Variants in CD300A observed in about 807,000 individuals in gnomAD.
The protein encoded by CD300A is CMRF35-like molecule 8.
In CD300A, 22 loss-of-function variants were observed where a neutral mutation model predicts 33.6. The ratio of observed to expected loss-of-function variants is 0.66; its 90% CI spans 0.47 to 0.94. CD300A has a LOEUF of 0.94. Among genes scored for constraint, CD300A ranks in the 40% least tolerant of loss-of-function variants. The pLI is 0.00. For missense variants in CD300A, 326 were observed against 360.5 expected (o/e 0.90, Z 0.77); for synonymous variants, 136 against 148.1 (o/e 0.92, Z 0.59).
At chr17:74,473,091 G>A (rs930857829) in intron 1 of CD300A, among the ~76,000 whole-genome samples, 4 of 152,090 alleles carry the variant, frequency 2.6e-5, no homozygotes, top group Non-Finnish European at 4.4e-5. Flanking sequence ...GGAAGCAGGA[G>A]GCCCCTGGTG....
At chr17:74,473,374 G>A (rs1048736954) in intron 1 of CD300A, among the ~76,000 whole-genome samples, 162 bp from the exon 2 acceptor site, 3 of 152,000 alleles carry the variant, frequency 2.0e-5, no homozygotes, top group Admixed American at 6.5e-5. Flanking sequence ...ACCTGTGTGC[G>A]GAGGTAGCCT....
chr17:74,481,237 A>G (rs1384689075), intron 4 of CD300A, 52 bp from the exon 5 acceptor site: 27 of 1,584,470 alleles, frequency 1.7e-5, no homozygotes, highest in Middle Eastern at 1.7e-4. Flanking sequence ...AAGGTCCTCC[A>G]TCCTGGCCAT....
chr17:74,480,851 G>T lies in CD300A; in HGVS notation c.629-438G>T, dbSNP rs1375501256. ...CAACCTCCGTCTCCCAGGTTCAAGC[G>T]ATTCTCCTGTCTCAGCCTCCCAAGT... On this transcript the variant is annotated intron_variant, in intron 4 of 6. Transcript: ENST00000360141. The surrounding 1 kb of genome is among the most constrained non-coding windows in gnomAD (Gnocchi z 4.2). Among the ~76,000 whole-genome samples the T allele has an allele frequency of 6.6e-6, 1 of 152,094 alleles. No individual in the cohort carries two copies.
intron 6 of CD300A, among the ~76,000 whole-genome samples, chr17:74,482,586 G>A (rs1906936523): frequency 6.6e-6 from 1 of 151,338 alleles, no homozygotes; most frequent in Non-Finnish European, 1.5e-5. Flanking sequence ...CGGGTCCCCT[G>A]ATAGCCGCAC....
At chr17:74,472,873 G>T (rs575456946) in intron 1 of CD300A, among the ~76,000 whole-genome samples, 1 of 152,282 alleles carries the variant, frequency 6.6e-6, no homozygotes, top group South Asian at 2.1e-4. Context: ...GCCTCCCAAA[G>T]TGCTGGGATT....
chr17:74,480,388 G>A lies in CD300A; in HGVS notation c.629-901G>A, dbSNP rs1906757489. Among the ~76,000 whole-genome samples the A allele has an allele frequency of 6.6e-6, 1 of 152,220 alleles. No homozygotes were observed. Among genetic ancestry groups the A allele is most frequent in the African/African-American group, 2.4e-5 (1 of 41,450 alleles). On this transcript the variant is annotated intron_variant, in intron 4 of 6. Coordinates refer to ENST00000360141, the MANE Select transcript of CD300A (RefSeq NM_007261.4). The surrounding 1 kb of genome is among the most constrained non-coding windows in gnomAD (Gnocchi z 4.2). ...GTCACCCGCTGCCCACGTGGTCCGG[G>A]CTCCTGGGGTGAAAGGGTTAGGGTG... is the stretch of plus-strand genomic sequence containing the variant.
intron 1 of CD300A, chr17:74,467,136 C>T: frequency 4.2e-6 from 1 of 240,492 alleles, no homozygotes; most frequent in Non-Finnish European, 6.6e-6. Flanking sequence ...AGATGCCGGG[C>T]TCACTGGGTG....
intron 2 of CD300A, 58 bp downstream of exon 2, chr17:74,473,932 G>C: frequency 6.4e-7 from 1 of 1,562,732 alleles, no homozygotes; most frequent in Non-Finnish European, 8.7e-7. Flanking sequence ...GTTGGGGCAG[G>C]AATCAGATCA....
intron 1 of CD300A, among the ~76,000 whole-genome samples, chr17:74,467,988 C>G (rs1424640188): frequency 2.6e-5 from 4 of 151,572 alleles, no homozygotes; most frequent in African/African-American, 9.7e-5. Context: ...CCACCAATGA[C>G]TATTCACAAA....
chr17:74,474,763 T>C, intron 3 of CD300A, 78 bp downstream of exon 3: 1 of 1,469,190 alleles, frequency 6.8e-7, no homozygotes, highest in Middle Eastern at 2.1e-4. Flanking sequence ...CTTGGCCATG[T>C]GGGCCAGCTG....
intron 4 of CD300A, 84 bp downstream of exon 4, chr17:74,477,614 C>T (rs182349251): frequency 1.5e-4 from 127 of 845,820 alleles, no homozygotes; most frequent in Middle Eastern, 1.0e-3. Context: ...GCTATGTCCA[C>T]GTCCCACAGT....
At chr17:74,481,953 C>G (rs1015261674) in intron 6 of CD300A, 120 bp downstream of exon 6, 14 of 694,414 alleles carry the variant, frequency 2.0e-5, no homozygotes, top group Admixed American at 1.9e-4. Context: ...CTGTCAGGGA[C>G]AGGGCCACAT....
intron 2 of CD300A, 55 bp downstream of exon 2, chr17:74,473,929 C>T: frequency 1.3e-6 from 2 of 1,565,420 alleles, no homozygotes; most frequent in African/African-American, 1.4e-5. Context: ...ATTGTTGGGG[C>T]AGGAATCAGA....
chr17:74,468,766 C>T (rs1194376819), intron 1 of CD300A, among the ~76,000 whole-genome samples: 1 of 152,192 alleles, frequency 6.6e-6, no homozygotes, highest in Non-Finnish European at 1.5e-5. Context: ...AAGTGATTCT[C>T]CTGCCTCAGC....
chr17:74,480,454 T>A lies in CD300A; in HGVS notation c.629-835T>A, dbSNP rs1411562457. On this transcript the variant is annotated intron_variant, in intron 4 of 6. Coordinates refer to ENST00000360141, the MANE Select transcript of CD300A (RefSeq NM_007261.4). The surrounding 1 kb of genome is among the most constrained non-coding windows in gnomAD (Gnocchi z 4.2). Reference sequence around the variant, plus strand: ...ATAGGCAGCACCCTTATAGAGCAGGTGCCAGCAGCCAAGGGCTGTGTGAGC... The same window carrying A: ...ATAGGCAGCACCCTTATAGAGCAGGAGCCAGCAGCCAAGGGCTGTGTGAGC... 1.3e-5 allele frequency among the ~76,000 whole-genome samples: 2 copies of A among 152,140 alleles called. No homozygotes were observed. The highest frequency in any genetic ancestry group is 4.1e-4 in the South Asian group (2 of 4,836).
intron 1 of CD300A, among the ~76,000 whole-genome samples, chr17:74,468,355 C>A (rs1403188454): frequency 3.3e-5 from 5 of 152,064 alleles, no homozygotes; most frequent in African/African-American, 1.2e-4. Context: ...TTTTTTGAGA[C>A]AGGGTCTCCC....
chr17:74,481,857 G>A lies in CD300A; in HGVS notation c.774+24G>A, dbSNP rs763712032. 4.5e-6 allele frequency: 7 copies of A among 1,565,588 alleles called. No individual in the cohort carries two copies. The Admixed American group carries it at 1.3e-4, about 28-fold the overall frequency. ...TGGTAAGTGCAGGAGCCCGGCTTTTGGGCATGCGGCCCCTGGGCTGTGCCA... is the reference window on the plus strand; with the variant it reads ...TGGTAAGTGCAGGAGCCCGGCTTTTAGGCATGCGGCCCCTGGGCTGTGCCA... On this transcript the variant is annotated intron_variant, in intron 6 of 6. Transcript: ENST00000360141.
chr17:74,466,823 G>A, intron 1 of CD300A, 80 bp downstream of exon 1: 1 of 1,548,952 alleles, frequency 6.5e-7, no homozygotes, highest in Non-Finnish European at 8.7e-7. Context: ...GGTATCACAC[G>A]AGACGCCCCG....
chr17:74,475,197 G>T (rs1284482010), intron 3 of CD300A, among the ~76,000 whole-genome samples: 1 of 152,122 alleles, frequency 6.6e-6, no homozygotes, highest in Non-Finnish European at 1.5e-5. Context: ...AGCAAAAGGG[G>T]TTTCCTCTTA....
Sources: allele counts gnomAD v4.1 joint callset (sites outside exome capture counted in the v4.1 genomes callset), GRCh38; gene constraint gnomAD v4.1.1; non-coding constraint Gnocchi (gnomAD v3.1); transcripts MANE v1.5; gene names NCBI Gene and HGNC (gene_info 2026-07-23, HGNC 2026-07-21).